P2RY12: variants seen among roughly 807,000 people sequenced by gnomAD.
P2RY12 encodes purinergic receptor P2Y12.
In P2RY12, 3 loss-of-function variants were observed where a neutral mutation model predicts 4.5. The observed-to-expected ratio is 0.67, with a 90% CI of 0.31 to 1.74. P2RY12 has a LOEUF of 1.74. Among genes scored for constraint, P2RY12 ranks in the 40% most tolerant of loss-of-function variants. P2RY12 has a pLI of 0.09. For missense variants in P2RY12, 356 were observed against 407.8 expected, an observed-to-expected ratio of 0.87 and a Z score of 1.09; for synonymous variants, 148 against 154.1, an observed-to-expected ratio of 0.96 and a Z score of 0.29.
chr3:151,373,462 C>T (rs994689385), intron 1 of P2RY12, among the ~76,000 whole-genome samples: 1 of 152,076 alleles, frequency 6.6e-6, no homozygotes, highest in African/African-American at 2.4e-5. Flanking sequence ...CGAGACAGTG[C>T]AAATTTTCTT....
chr3:151,360,298 T>A (rs1289510598), intron 1 of P2RY12, among the ~76,000 whole-genome samples: 2 of 152,170 alleles, frequency 1.3e-5, no homozygotes, highest in Non-Finnish European at 2.9e-5. Context: ...TCTATTTCAG[T>A]GTCATAATAG....
intron 1 of P2RY12, among the ~76,000 whole-genome samples, chr3:151,352,978 T>C (rs1753428744): frequency 6.6e-6 from 1 of 152,226 alleles, no homozygotes; most frequent in South Asian, 2.1e-4. Context: ...TAAATATCAT[T>C]AAAATAAAGT....
intron 1 of P2RY12, among the ~76,000 whole-genome samples, chr3:151,354,057 C>T (rs1015325136): frequency 1.7e-4 from 24 of 140,162 alleles, no homozygotes; most frequent in Non-Finnish European, 3.5e-4. Context: ...AGGAGAATGG[C>T]GTGAACCCGG....
At chr3:151,357,468 C>T in intron 1 of P2RY12, 1 of 1,136,272 alleles carries the variant, frequency 8.8e-7, no homozygotes, top group Non-Finnish European at 1.2e-6. Flanking sequence ...AAAAATAGTA[C>T]TGATACCTGT....
At chr3:151,361,219 CTG>C (rs1754572806) in intron 1 of P2RY12, among the ~76,000 whole-genome samples, 1 of 152,206 alleles carries the variant, frequency 6.6e-6, no homozygotes, top group African/African-American at 2.4e-5. Context: ...CTTTTTCAGA[CTG>C]TGTTTACTTT....
At chr3:151,359,399 G>A (rs1754334553) in intron 1 of P2RY12, among the ~76,000 whole-genome samples, 1 of 152,090 alleles carries the variant, frequency 6.6e-6, no homozygotes, top group Non-Finnish European at 1.5e-5. Flanking sequence ...CCCATCTGTT[G>A]ATGTCATTTC....
At position 151,376,132 on chromosome 3, in the gene P2RY12, A is replaced by G. The variant is rs1756822376; in HGVS notation, c.-180+8560T>C. On this transcript the variant is annotated intron_variant, in intron 1 of 2. Coordinates refer to ENST00000302632, the MANE Select transcript of P2RY12 (RefSeq NM_022788.5). Reference sequence around the variant, plus strand: ...AATATGCAAGCACAGAAATTACTGCAGCTTATCTGTTATCCTCATGGCATT... The same window carrying G: ...AATATGCAAGCACAGAAATTACTGCGGCTTATCTGTTATCCTCATGGCATT... 2 of 1,611,250 alleles carry G rather than the reference A, an allele frequency of 1.2e-6. No individual in the cohort carries two copies. Among genetic ancestry groups the G allele is most frequent in the Admixed American group, 3.4e-5 (2 of 59,296 alleles).
intron 1 of P2RY12, chr3:151,364,849 G>T: frequency 1.5e-6 from 1 of 652,948 alleles, no homozygotes; most frequent in Non-Finnish European, 2.7e-6. Context: ...TTCTAATTAA[G>T]AACTCATAAT....
At chr3:151,374,935 A>T (rs567042000) in intron 1 of P2RY12, among the ~76,000 whole-genome samples, 8 of 151,336 alleles carry the variant, frequency 5.3e-5, no homozygotes, top group South Asian at 2.1e-4. Context: ...GTTCTCTTAT[A>T]AAAAAAAAGT....
chr3:151,368,687 T>TCATG (rs1325236718), intron 1 of P2RY12, among the ~76,000 whole-genome samples: 1 of 41,444 alleles, frequency 2.4e-5, no homozygotes, highest in Non-Finnish European at 4.4e-5. Flanking sequence ...GTCATTTCAT[T>TCATG]TTATTTCATT....
chr3:151,351,526 CTCTG>C lies in P2RY12; in HGVS notation c.-179-10770_-179-10767del, dbSNP rs370787576. 5.1e-4 allele frequency among the ~76,000 whole-genome samples: 78 copies of C among 152,280 alleles called. 1 individual carries two copies. The South Asian group carries it at 0.012, about 24-fold the overall frequency. On this transcript the variant is annotated intron_variant, in intron 1 of 2. Coordinates refer to ENST00000302632, the MANE Select transcript of P2RY12 (RefSeq NM_022788.5). ...TTATTGAGTTTGAAAAAAGAAAGTG[CTCTG>C]TCTAAGAAAACTGTTTATCTGTTGT...
chr3:151,350,652 T>C (rs1175712643), intron 1 of P2RY12, among the ~76,000 whole-genome samples: 3 of 152,166 alleles, frequency 2.0e-5, no homozygotes, highest in African/African-American at 7.2e-5. Context: ...TAATTGAAAA[T>C]CATGACAGCA....
In P2RY12 at chr3:151,337,815, G is replaced by T. The variant is rs754002934; in HGVS notation, c.*2C>A. ...ATTGAAATATTTCCTTAGTTAATTT[G>T]TTTACATTGGAGTCTCTTCATTTGG... On this transcript the variant is annotated 3_prime_UTR_variant, in exon 3 of 3. Coordinates refer to ENST00000302632, the MANE Select transcript of P2RY12 (RefSeq NM_022788.5). 21 of 1,613,176 alleles carry T rather than the reference G, an allele frequency of 1.3e-5. No individual in the cohort carries two copies. Among genetic ancestry groups the T allele is most frequent in the South Asian group, 1.2e-4 (11 of 91,058 alleles).
chr3:151,381,248 G>A lies in P2RY12; in HGVS notation c.-180+3444C>T, dbSNP rs186253829. 3.9e-5 allele frequency among the ~76,000 whole-genome samples: 6 copies of A among 152,200 alleles called. No individual in the cohort carries two copies. The East Asian group carries it at 9.7e-4, about 25-fold the overall frequency. On this transcript the variant is annotated intron_variant, in intron 1 of 2. Coordinates refer to ENST00000302632, the MANE Select transcript of P2RY12 (RefSeq NM_022788.5). ...CCCTCGAATGGTACTAGATGGACATGGACAAGGACACTTAATCTTATTTGA... is the reference window on the plus strand; with the variant it reads ...CCCTCGAATGGTACTAGATGGACATAGACAAGGACACTTAATCTTATTTGA...
At chr3:151,354,193 A>G (rs1396584021) in intron 1 of P2RY12, among the ~76,000 whole-genome samples, 2 of 150,910 alleles carry the variant, frequency 1.3e-5, no homozygotes, top group Non-Finnish European at 3.0e-5. Flanking sequence ...TGACATTATC[A>G]ATCATATATC....
intron 1 of P2RY12, chr3:151,372,851 A>G (rs1756361840): frequency 1.0e-6 from 1 of 989,578 alleles, no homozygotes; most frequent in Admixed American, 2.4e-5. Flanking sequence ...AAACTTGTGC[A>G]TAGGTGGGCC....
At chr3:151,370,592 T>A (rs1756053844) in intron 1 of P2RY12, among the ~76,000 whole-genome samples, 1 of 152,186 alleles carries the variant, frequency 6.6e-6, no homozygotes, top group Non-Finnish European at 1.5e-5. Flanking sequence ...CTTATAGATT[T>A]ATACAGCCAA....
chr3:151,358,558 CAA>C (rs1457263206), intron 1 of P2RY12, among the ~76,000 whole-genome samples: 3 of 151,666 alleles, frequency 2.0e-5, no homozygotes, highest in African/African-American at 7.3e-5. Flanking sequence ...TGGGTTGTGA[CAA>C]GTTTTTTTGT....
At chr3:151,373,731 C>T (rs1756471807) in intron 1 of P2RY12, among the ~76,000 whole-genome samples, 1 of 152,114 alleles carries the variant, frequency 6.6e-6, no homozygotes, top group Admixed American at 6.5e-5. Context: ...CAGTAGGAAT[C>T]TATTCATCCT....
Sources: allele counts gnomAD v4.1 joint callset (sites outside exome capture counted in the v4.1 genomes callset), GRCh38; gene constraint gnomAD v4.1.1; transcripts MANE v1.5; gene names NCBI Gene and HGNC (gene_info 2026-07-23, HGNC 2026-07-21).